The following IFNL1 variants were observed in gnomAD, a reference collection of about 807,000 sequenced individuals.
IFNL1 encodes the protein interferon lambda-1.
A neutral mutation model predicts 17.1 loss-of-function variants in IFNL1; 16 were observed. The ratio of observed to expected loss-of-function variants is 0.93; its 90% CI spans 0.63 to 1.42. The LOEUF (loss-of-function observed/expected upper bound fraction) is 1.42, where lower values mean the gene tolerates loss of function less well. Among genes scored for constraint, IFNL1 ranks in the 40% most tolerant of loss-of-function variants. The pLI, the probability that IFNL1 is intolerant of heterozygous loss-of-function variation, is 0.00. For synonymous variants in IFNL1, 104 were observed against 111.4 expected, an observed-to-expected ratio of 0.93 and a Z score of 0.42; for missense variants, 262 against 249.4, an observed-to-expected ratio of 1.05 and a Z score of -0.34.
chr19:39,298,137 C>T, intron 3 of IFNL1, 30 bp downstream of exon 3: 2 of 1,612,682 alleles, frequency 1.2e-6, no homozygotes, highest in Non-Finnish European at 1.7e-6. Context: ...GCACCCAGGT[C>T]TGTGGGCTCT....
chr19:39,297,671 C>A (rs908514910), intron 2 of IFNL1, among the ~76,000 whole-genome samples: 1 of 151,990 alleles, frequency 6.6e-6, no homozygotes, highest in African/African-American at 2.4e-5. Context: ...GTGCCCCCAA[C>A]CTGCTTTCTC....
chr19:39,296,742 T>C, intron 1 of IFNL1, 63 bp from the exon 2 acceptor site: 1 of 1,531,808 alleles, frequency 6.5e-7, no homozygotes, highest in South Asian at 1.1e-5. Context: ...AACTTCATCC[T>C]TGCTGCTATG....
In IFNL1 at chr19:39,298,396, C is replaced by T. The variant is rs373455854; in HGVS notation, c.483C>T (p.Ser161=). The change falls in exon 5 of 5, where the codon TCC becomes TCT. Residue 161 remains serine, a synonymous_variant. Transcript: ENST00000333625. The stretch of plus-strand genomic sequence containing the variant: ...CATCCCCTCCTCCCCTACAGGAGTC[C>T]GCTGGCTGCCTGGAGGCATCTGTCA... ...HRLQEAPKKE[S]AGCLEASVTF... The T allele has an allele frequency of 2.0e-5, 33 of 1,614,092 alleles. No homozygotes were observed. The highest frequency in any genetic ancestry group is 1.5e-4 in the African/African-American group (11 of 74,932).
At position 39,298,259 on chromosome 19, in the gene IFNL1, A is replaced by C; in HGVS notation, c.440A>C (p.His147Pro). Residue 147 changes from histidine to proline, a missense_variant, in exon 4 of 5, where the codon CAC becomes CCC. His to Pro is a moderately conservative substitution (Grantham distance 77, BLOSUM62 -2). Coordinates refer to ENST00000333625, the MANE Select transcript of IFNL1 (RefSeq NM_172140.2). The stretch of plus-strand genomic sequence containing the variant: ...GGGCCCAGGCCCCGGGGCCGCCTCC[A>C]CCACTGGCTGCACCGGCTCCAGGAG... ...TAGPRPRGRL[H>P]HWLHRLQEAP... The C allele has an allele frequency of 6.2e-7, 1 of 1,614,022 alleles. No individual in the cohort carries two copies. The highest frequency in any genetic ancestry group is 1.1e-5 in the South Asian group (1 of 91,078).
chr19:39,297,615 C>G (rs1263214779), intron 2 of IFNL1, among the ~76,000 whole-genome samples: 1 of 151,930 alleles, frequency 6.6e-6, no homozygotes, highest in Non-Finnish European at 1.5e-5. Flanking sequence ...CCACCACACC[C>G]AGCCCTACCC....
Position 39,296,817 on chromosome 19 carries a change from AAGCTGAAAAACTGGAGTTGC to A in IFNL1, c.189_208del (p.Lys64SerfsTer24), listed in dbSNP as rs747429067. ...CCTTGCTCTCTAGGAAGAGTCACTCAAGCTGAAAAACTGGAGTTGCAGCTCTCCTGTCTTCCCCGGGAATT... is the reference window on the plus strand; with the variant it reads ...CCTTGCTCTCTAGGAAGAGTCACTCAAGCTCTCCTGTCTTCCCCGGGAATT... On this transcript the variant is annotated frameshift_variant, in exon 2 of 5. Coordinates refer to ENST00000333625, the MANE Select transcript of IFNL1 (RefSeq NM_172140.2). LOFTEE classifies it high-confidence loss of function. 117 of 1,613,796 alleles carry A rather than the reference AAGCTGAAAAACTGGAGTTGC, an allele frequency of 7.2e-5. No individual in the cohort carries two copies. The highest frequency in any genetic ancestry group is 9.9e-5 in the Non-Finnish European group (117 of 1,179,816).
At position 39,296,472 on chromosome 19, in the gene IFNL1, C is replaced by T. The variant is rs768571570; in HGVS notation, c.51C>T (p.Ala17=). 2.9e-5 allele frequency: 47 copies of T among 1,612,442 alleles called. No individual in the cohort carries two copies. Among genetic ancestry groups the T allele is most frequent in the Middle Eastern group, 3.9e-4 (2 of 5,126 alleles). Residue 17 remains alanine, a synonymous_variant, in exon 1 of 5, where the codon GCC becomes GCT. Transcript: ENST00000333625. ...VVLVTLVLGL[A]VAGPVPTSKP... ...TGGTGACTTTGGTGCTAGGCTTGGCCGTGGCAGGCCCTGTCCCCACTTCCA... is the reference window on the plus strand; with the variant it reads ...TGGTGACTTTGGTGCTAGGCTTGGCTGTGGCAGGCCCTGTCCCCACTTCCA...
Position 39,296,421 on chromosome 19 carries a change from C to T in IFNL1, c.-1C>T, listed in dbSNP as rs2075098818. 6.2e-7 allele frequency: 1 copy of T among 1,608,274 alleles called. No homozygotes were observed. ...GCTGGGGAAGCAGTTGCGATTTAGC[C>T]ATGGCTGCAGCTTGGACCGTGGTGC... On this transcript the variant is annotated 5_prime_UTR_variant, in exon 1 of 5. Transcript: ENST00000333625.
intron 2 of IFNL1, among the ~76,000 whole-genome samples, chr19:39,297,609 C>A (rs191458144): frequency 1.3e-5 from 2 of 152,076 alleles, no homozygotes; most frequent in Non-Finnish European, 2.9e-5. Context: ...CGTGAGCCAC[C>A]ACACCCAGCC....
chr19:39,296,420 C>T lies in IFNL1; in HGVS notation c.-2C>T. Reference sequence around the variant, plus strand: ...CGCTGGGGAAGCAGTTGCGATTTAGCCATGGCTGCAGCTTGGACCGTGGTG... The same window carrying T: ...CGCTGGGGAAGCAGTTGCGATTTAGTCATGGCTGCAGCTTGGACCGTGGTG... On this transcript the variant is annotated 5_prime_UTR_variant, in exon 1 of 5. Transcript: ENST00000333625. 1 of 1,608,164 alleles carries T rather than the reference C, an allele frequency of 6.2e-7. No individual in the cohort carries two copies. Among genetic ancestry groups the T allele is most frequent in the African/African-American group, 1.3e-5 (1 of 74,774 alleles).
Position 39,296,900 on chromosome 19 carries a change from C to T in IFNL1, c.249+18C>T, listed in dbSNP as rs745697532. On this transcript the variant is annotated intron_variant, in intron 2 of 4. Coordinates refer to ENST00000333625, the MANE Select transcript of IFNL1 (RefSeq NM_172140.2). Reference sequence around the variant, plus strand: ...TTCTCCAGGTGAGCTGAAAGTCAGGCCCCCTTCACCCTTCCCTTGACCCTC... The same window carrying T: ...TTCTCCAGGTGAGCTGAAAGTCAGGTCCCCTTCACCCTTCCCTTGACCCTC... 38 of 1,581,814 alleles carry T rather than the reference C, an allele frequency of 2.4e-5. No individual in the cohort carries two copies. Among genetic ancestry groups the T allele is most frequent in the South Asian group, 8.9e-5 (8 of 90,302 alleles).
chr19:39,296,848 T>C lies in IFNL1; in HGVS notation c.215T>C (p.Val72Ala), dbSNP rs1388554142. The C allele has an allele frequency of 1.2e-6, 2 of 1,614,034 alleles. No homozygotes were observed. The highest frequency in any genetic ancestry group is 2.7e-5 in the African/African-American group (2 of 74,924). ...KLKNWSCSSP[V>A]FPGNWDLRLL... is the part of the protein sequence containing the mutation. ...AAAAACTGGAGTTGCAGCTCTCCTG[T>C]CTTCCCCGGGAATTGGGACCTGAGG... Residue 72 changes from valine to alanine, a missense_variant, in exon 2 of 5, where the codon GTC becomes GCC. Transcript: ENST00000333625.
Position 39,298,075 on chromosome 19 carries a change from C to T in IFNL1, c.361C>T (p.Leu121=). The T allele has an allele frequency of 6.2e-7, 1 of 1,614,166 alleles. No homozygotes were observed. The highest frequency in any genetic ancestry group is 8.5e-7 in the Non-Finnish European group (1 of 1,180,004). The change falls in exon 3 of 5, where the codon CTG becomes TTG. Residue 121 remains leucine (L), a synonymous_variant. Transcript: ENST00000333625. ...EDVLDQPLHT[L]HHILSQLQAC... ...CGTCCTAGACCAGCCCCTTCACACC[C>T]TGCACCACATCCTCTCCCAGCTCCA... is the stretch of plus-strand genomic sequence containing the variant.
At position 39,298,289 on chromosome 19, in the gene IFNL1, C is replaced by A. The variant is rs749919689; in HGVS notation, c.470C>A (p.Pro157His). Reference protein sequence around the residue: ...HHWLHRLQEAPKKESAGCLEA... With the variant: ...HHWLHRLQEAHKKESAGCLEA... ...TGGCTGCACCGGCTCCAGGAGGCCC[C>A]CAAAAAGGTGAGTGACCCAGGAAGA... is the stretch of plus-strand genomic sequence containing the variant. Residue 157 changes from proline (P) to histidine (H), a missense_variant, in exon 4 of 5, where the codon CCC (proline) becomes CAC (histidine). Physicochemically the swap from Pro to His is moderately conservative, Grantham distance 77 (BLOSUM62 -2). Transcript: ENST00000333625. 1 of 1,614,094 alleles carries A rather than the reference C, an allele frequency of 6.2e-7. No homozygotes were observed. Among genetic ancestry groups the A allele is most frequent in the Non-Finnish European group, 8.5e-7 (1 of 1,179,982 alleles).
In IFNL1 at chr19:39,298,059, C is replaced by T; in HGVS notation, c.345C>T (p.Asp115=). ...GCCCAGCCCTGGAGGACGTCCTAGA[C>T]CAGCCCCTTCACACCCTGCACCACA... ...AAGPALEDVL[D]QPLHTLHHIL... The change falls in exon 3 of 5, where the codon GAC becomes GAT. Residue 115 remains aspartate, a synonymous_variant. Transcript: ENST00000333625. 1 of 1,614,204 alleles carries T rather than the reference C, an allele frequency of 6.2e-7. No individual in the cohort carries two copies. Among genetic ancestry groups the T allele is most frequent in the Non-Finnish European group, 8.5e-7 (1 of 1,180,036 alleles).
rs761082020 is a variant in IFNL1 at position 39,296,827 on chromosome 19, A to C, written c.194A>C (p.Asn65Thr). Residue 65 changes from asparagine to threonine, a missense_variant, in exon 2 of 5, where the codon AAC becomes ACC. Transcript: ENST00000333625. ...TAGGAAGAGTCACTCAAGCTGAAAAACTGGAGTTGCAGCTCTCCTGTCTTC... is the reference window on the plus strand; with the variant it reads ...TAGGAAGAGTCACTCAAGCTGAAAACCTGGAGTTGCAGCTCTCCTGTCTTC... The part of the protein sequence containing the change: ...DALEESLKLK[N>T]WSCSSPVFPG... The C allele has an allele frequency of 6.2e-7, 1 of 1,613,604 alleles. No homozygotes were observed. The highest frequency in any genetic ancestry group is 1.7e-5 in the Admixed American group (1 of 59,980).
chr19:39,298,322 C>G, intron 4 of IFNL1, 26 bp downstream of exon 4: 6 of 1,614,110 alleles, frequency 3.7e-6, no homozygotes, highest in South Asian at 1.1e-5. Flanking sequence ...AGAGAAGGAC[C>G]AGGGTCTGGG....
chr19:39,297,833 T>A, intron 2 of IFNL1, 131 bp from the exon 3 acceptor site: 3 of 1,128,232 alleles, frequency 2.7e-6, no homozygotes. Flanking sequence ...TGTCTCCTTC[T>A]CCCCAGACCC....
chr19:39,296,947 C>T (rs1284326166), intron 2 of IFNL1, 65 bp downstream of exon 2: 4 of 1,215,966 alleles, frequency 3.3e-6, no homozygotes, highest in Non-Finnish European at 4.8e-6. Context: ...CTTAAGTGGC[C>T]CCTTAGCCTT....
Sources: allele counts gnomAD v4.1 joint callset (sites outside exome capture counted in the v4.1 genomes callset), GRCh38; gene constraint gnomAD v4.1.1; transcripts MANE v1.5; gene names NCBI Gene and HGNC (gene_info 2026-07-23, HGNC 2026-07-21).